CES5A: variants seen among roughly 807,000 people sequenced by gnomAD.
CES5A encodes carboxylesterase 5.
CES5A carries 67 observed loss-of-function variants against 62.9 expected under a neutral mutation model. The ratio of observed to expected loss-of-function variants is 1.07; its 90% CI spans 0.88 to 1.31. CES5A has a LOEUF of 1.31. Ranked by LOEUF, CES5A falls within the 50% of genes most tolerant of loss-of-function variation. CES5A has a pLI of 0.00. For missense variants in CES5A, 748 were observed against 708.5 expected, an observed-to-expected ratio of 1.06 and a Z score of -0.63; for synonymous variants, 296 against 280.8, an observed-to-expected ratio of 1.05 and a Z score of -0.54.
intron 8 of CES5A, 104 bp from the exon 9 acceptor site, chr16:55,856,549 G>T: frequency 9.7e-7 from 1 of 1,031,672 alleles, no homozygotes; most frequent in Non-Finnish European, 1.5e-6. Context: ...AGTTGGATAA[G>T]GAGCCCTCAA....
intron 2 of CES5A, among the ~76,000 whole-genome samples, chr16:55,937,180 G>C (rs962571885): frequency 6.6e-6 from 1 of 151,874 alleles, no homozygotes; most frequent in East Asian, 1.9e-4. Context: ...GTGCATTTTA[G>C]TAAAGCCTTC....
chr16:55,866,658 T>TAAAAAAAAAAAAAAAAAAAAAAAAAAA (rs369679801), intron 4 of CES5A, among the ~76,000 whole-genome samples: 8 of 82,836 alleles, frequency 9.7e-5, no homozygotes, highest in South Asian at 8.3e-4. Flanking sequence ...CTGTCTCTGC[T>TAAAAAAAAAAAAAAAAAAAAAAAAAAA]AAAAAAAAAA....
intron 1 of CES5A, among the ~76,000 whole-genome samples, chr16:55,886,405 CT>C (rs1440780709): frequency 6.6e-6 from 1 of 152,136 alleles, no homozygotes; most frequent in Non-Finnish European, 1.5e-5. Flanking sequence ...GTGTGTAGAT[CT>C]TTGTGTTTTA....
At chr16:55,888,124 C>T (rs2033836561) in intron 1 of CES5A, among the ~76,000 whole-genome samples, 1 of 152,098 alleles carries the variant, frequency 6.6e-6, no homozygotes, top group African/African-American at 2.4e-5. Flanking sequence ...TTCAGTCCTG[C>T]CAGCCCAACT....
exon 1 of CES5A, chr16:55,925,337 T>C (rs2034247871): frequency 6.6e-6 from 1 of 151,806 alleles, no homozygotes; most frequent in Admixed American, 6.6e-5. Flanking sequence ...GTTAAAGTGG[T>C]TTTTATCAAA....
At chr16:55,890,833 T>G (rs530829605) in intron 1 of CES5A, among the ~76,000 whole-genome samples, 3 of 152,334 alleles carry the variant, frequency 2.0e-5, no homozygotes, top group African/African-American at 7.2e-5. Context: ...AGGTTGAGGA[T>G]GGACACCTGT....
chr16:55,873,887 G>T lies in CES5A; in HGVS notation c.224C>A (p.Pro75Gln), dbSNP rs79514658. 3 of 1,613,804 alleles carry T rather than the reference G, an allele frequency of 1.9e-6. No homozygotes were observed. The highest frequency in any genetic ancestry group is 2.5e-6 in the Non-Finnish European group (3 of 1,179,970). ...PPLGSLRFTN[P>Q]QPASPWDNLR... The stretch of plus-strand genomic sequence containing the variant: ...GTTATCCCAGGGCGATGCAGGCTGC[G>T]GGTTCGTAAATCGCAGGGATCCCAG... Residue 75 changes from proline to glutamine, a missense_variant, in exon 2 of 13, where the codon CCG (proline) becomes CAG (glutamine). By Grantham distance (76) the Pro-to-Gln change is moderately conservative (BLOSUM62 -1). Transcript: ENST00000290567.
At chr16:55,938,501 G>T (rs1469553545) in intron 2 of CES5A, among the ~76,000 whole-genome samples, 1 of 151,666 alleles carries the variant, frequency 6.6e-6, no homozygotes, top group Non-Finnish European at 1.5e-5. Context: ...ATGTTGGGAG[G>T]CCAAGGTGGG....
Position 55,942,529 on chromosome 16 carries a change from A to C in CES5A, c.160+7256T>G, listed in dbSNP as rs113800728. 7.3e-3 allele frequency among the ~76,000 whole-genome samples: 1,109 copies of C among 152,346 alleles called. 14 individuals are homozygous for C. Among genetic ancestry groups the C allele is most frequent in the East Asian group, 0.021 (111 of 5,190 alleles). ...TTATGCTCACCAGAATGGCTATTCTAACAATACAAAATGTGGAACCTATGA... is the reference window on the plus strand; with the variant it reads ...TTATGCTCACCAGAATGGCTATTCTCACAATACAAAATGTGGAACCTATGA... On this transcript the variant is annotated intron_variant, in intron 2 of 13. Coordinates refer to the CES5A transcript ENST00000521992.
intron 5 of CES5A, among the ~76,000 whole-genome samples, chr16:55,865,198 C>G (rs1597120262): frequency 6.6e-6 from 1 of 152,108 alleles, no homozygotes; most frequent in South Asian, 2.1e-4. Flanking sequence ...AAAAGCGAAA[C>G]TCCATCTCAA....
chr16:55,952,371 G>T (rs749824724), intron 1 of CES5A, among the ~76,000 whole-genome samples: 8 of 151,756 alleles, frequency 5.3e-5, no homozygotes, highest in African/African-American at 1.9e-4. Context: ...GTTAGAAAGA[G>T]AAAAACAAAA....
chr16:55,932,478 T>G lies in CES5A; in HGVS notation c.160+17307A>C, dbSNP rs143016015. Among the ~76,000 whole-genome samples the G allele has an allele frequency of 2.9e-3, 435 of 151,470 alleles. 3 individuals carry two copies. Among genetic ancestry groups the G allele is most frequent in the African/African-American group, 9.9e-3 (411 of 41,318 alleles). Reference sequence around the variant, plus strand: ...AGAGTAAATATGTTAGTTAGTTAGTTGCTTACTTCATTTGTTCATTCATTA... The same window carrying G: ...AGAGTAAATATGTTAGTTAGTTAGTGGCTTACTTCATTTGTTCATTCATTA... On this transcript the variant is annotated intron_variant, in intron 2 of 13. Transcript: ENST00000521992.
intron 1 of CES5A, among the ~76,000 whole-genome samples, chr16:55,904,483 G>A (rs2034019992): frequency 1.3e-5 from 2 of 152,154 alleles, no homozygotes; most frequent in Non-Finnish European, 1.5e-5. Context: ...ACCAACTATA[G>A]ATTCACTCCG....
chr16:55,908,126 T>C (rs923088100), intron 1 of CES5A, among the ~76,000 whole-genome samples: 1 of 152,158 alleles, frequency 6.6e-6, no homozygotes, highest in African/African-American at 2.4e-5. Context: ...TGATTCTTTA[T>C]CAATTTGCTC....
At chr16:55,941,144 G>A (rs2034441392) in intron 2 of CES5A, among the ~76,000 whole-genome samples, 1 of 151,954 alleles carries the variant, frequency 6.6e-6, no homozygotes, top group South Asian at 2.1e-4. Flanking sequence ...GGAAGTCCTA[G>A]CTATTTGCAA....
intron 2 of CES5A, chr16:55,949,724 A>C: frequency 1.7e-6 from 1 of 589,294 alleles, no homozygotes; most frequent in Non-Finnish European, 2.7e-6. Context: ...ACTGTGAGTC[A>C]GCTGTTGGCC....
chr16:55,854,212 T>TA (rs1272143801), intron 9 of CES5A, among the ~76,000 whole-genome samples: 1 of 152,128 alleles, frequency 6.6e-6, no homozygotes, highest in Non-Finnish European at 1.5e-5. Context: ...GAGAACTACT[T>TA]ACTGTTTAAA....
chr16:55,855,747 G>A (rs1391829812), intron 9 of CES5A, among the ~76,000 whole-genome samples: 1 of 152,190 alleles, frequency 6.6e-6, no homozygotes, highest in Non-Finnish European at 1.5e-5. Flanking sequence ...TGCTGGGTGG[G>A]TTACAAAAAG....
Position 55,875,281 on chromosome 16 carries a change from A to T in CES5A, c.-60T>A, listed in dbSNP as rs1182048831. ...GCGGCTGCTGGCCTCAGAGAGCTTC[A>T]GTTGGGAGCCAGAAAGAGCTTCCTG... On this transcript the variant is annotated 5_prime_UTR_variant, in exon 1 of 13. Coordinates refer to ENST00000290567, the MANE Select transcript of CES5A (RefSeq NM_001143685.2). The T allele has an allele frequency of 6.3e-7, 1 of 1,586,952 alleles. No individual in the cohort carries two copies. The highest frequency in any genetic ancestry group is 8.6e-7 in the Non-Finnish European group (1 of 1,168,066).
Sources: allele counts gnomAD v4.1 joint callset (sites outside exome capture counted in the v4.1 genomes callset), GRCh38; gene constraint gnomAD v4.1.1; transcripts MANE v1.5; gene names NCBI Gene and HGNC (gene_info 2026-07-23, HGNC 2026-07-21).